Variants in PRKG1 observed in about 807,000 individuals in gnomAD.
PRKG1 encodes protein kinase cGMP-dependent 1, also known as cGMP-dependent protein kinase 1.
In PRKG1, 35 loss-of-function variants were observed where a neutral mutation model predicts 88.1. The observed-to-expected ratio is 0.40, with a 90% CI of 0.30 to 0.53. The LOEUF (loss-of-function observed/expected upper bound fraction) is 0.53, where lower values mean the gene tolerates loss of function less well. Ranked by LOEUF, PRKG1 falls within the 20% of genes least tolerant of loss-of-function variation. PRKG1 has a pLI of 0.59. For synonymous variants in PRKG1, 303 were observed against 292.5 expected (o/e 1.04, Z -0.37); for missense variants, 540 against 839.8 (o/e 0.64, Z 4.41).
At chr10:51,372,093 A>G (rs777620664) in intron 2 of PRKG1, among the ~76,000 whole-genome samples, 5 of 152,184 alleles carry the variant, frequency 3.3e-5, no homozygotes, top group Non-Finnish European at 4.4e-5. Context: ...TGGATAACTC[A>G]GCATGTGTTT....
At chr10:51,240,560 CTCTT>C (rs1474246087) in intron 2 of PRKG1, among the ~76,000 whole-genome samples, 1 of 152,200 alleles carries the variant, frequency 6.6e-6, no homozygotes, top group Non-Finnish European at 1.5e-5. Flanking sequence ...CAGGAACTCT[CTCTT>C]TCAAATTATG....
Position 52,290,256 on chromosome 10 carries a change from G to A in PRKG1, c.1928G>A (p.Arg643Lys), listed in dbSNP as rs770812712. Residue 643 changes from arginine (R) to lysine (K), a missense_variant, in exon 17 of 18, where the codon AGA becomes AAA. Coordinates refer to ENST00000373980, the MANE Select transcript of PRKG1 (RefSeq NM_006258.4). ...GAGGGCTTTAACTGGGAAGGCTTAAGAAAAGGTACCTTGACACCTCCTATA... is the reference window on the plus strand; with the variant it reads ...GAGGGCTTTAACTGGGAAGGCTTAAAAAAAGGTACCTTGACACCTCCTATA... The part of the protein sequence containing the change: ...WFEGFNWEGL[R>K]KGTLTPPIIP... 1.6e-4 allele frequency: 255 copies of A among 1,612,910 alleles called. No homozygotes were observed. Among genetic ancestry groups the A allele is most frequent in the Non-Finnish European group, 2.1e-4 (247 of 1,179,404 alleles).
chr10:51,067,670 A>G (rs935425464), intron 1 of PRKG1, among the ~76,000 whole-genome samples: 19 of 152,188 alleles, frequency 1.2e-4, no homozygotes, highest in Admixed American at 1.2e-3. Context: ...GACTCTCTAC[A>G]TTAACTCTTT....
chr10:51,069,387 T>A (rs182195091), intron 1 of PRKG1, among the ~76,000 whole-genome samples: 7 of 152,156 alleles, frequency 4.6e-5, no homozygotes, highest in African/African-American at 1.7e-4. Flanking sequence ...ATTATAAAAC[T>A]AGTTCTATAG....
At chr10:51,705,706 T>G (rs2132422960) in intron 3 of PRKG1, among the ~76,000 whole-genome samples, 1 of 152,340 alleles carries the variant, frequency 6.6e-6, no homozygotes, top group Non-Finnish European at 1.5e-5. Context: ...AGATAGGCAG[T>G]CATAGTTCCT....
chr10:51,514,864 T>A (rs1465438392), intron 3 of PRKG1, among the ~76,000 whole-genome samples: 1 of 152,150 alleles, frequency 6.6e-6, no homozygotes, highest in Admixed American at 6.6e-5. Context: ...CACTGCAGAC[T>A]TTTACATAAA....
chr10:51,410,549 C>A (rs984511434), intron 2 of PRKG1, among the ~76,000 whole-genome samples: 1 of 152,106 alleles, frequency 6.6e-6, no homozygotes, highest in East Asian at 1.9e-4. Flanking sequence ...AAGGGTGGAT[C>A]TGCCTTCCCA....
intron 5 of PRKG1, among the ~76,000 whole-genome samples, chr10:52,044,194 G>A (rs1188253336): frequency 6.6e-6 from 1 of 152,154 alleles, no homozygotes. Flanking sequence ...TGCACTGTGA[G>A]AAGTGCTAAA....
intron 2 of PRKG1, among the ~76,000 whole-genome samples, chr10:51,374,093 A>ATATATATATATATATATATATATAT (rs1554801054): frequency 7.7e-4 from 77 of 100,080 alleles, no homozygotes; most frequent in South Asian, 1.7e-3. Context: ...AAAAAAAAAA[A>ATATATATATATATATATATATATAT]ATATATATAT....
intron 3 of PRKG1, among the ~76,000 whole-genome samples, chr10:51,769,037 A>G (rs1214715154): frequency 6.6e-6 from 1 of 152,194 alleles, no homozygotes; most frequent in African/African-American, 2.4e-5. Context: ...CCTGTCCTTG[A>G]AGAGCTTTCA....
At chr10:52,064,075 G>A (rs1224230304) in intron 7 of PRKG1, among the ~76,000 whole-genome samples, 1 of 152,182 alleles carries the variant, frequency 6.6e-6, no homozygotes, top group Admixed American at 6.5e-5. Context: ...TGGTCTGAAG[G>A]TGGGGCCTTA....
chr10:51,278,211 T>A (rs1840183964), intron 2 of PRKG1, among the ~76,000 whole-genome samples: 2 of 152,224 alleles, frequency 1.3e-5, no homozygotes, highest in African/African-American at 4.8e-5. Context: ...ATTGAGATAA[T>A]CATGTGGTTT....
chr10:51,277,619 G>A (rs1330251633), intron 2 of PRKG1, among the ~76,000 whole-genome samples: 2 of 152,128 alleles, frequency 1.3e-5, no homozygotes, highest in Admixed American at 6.5e-5. Flanking sequence ...CCATTTGTTT[G>A]TGTCCTCTTT....
chr10:52,131,187 T>C (rs1030425958), intron 7 of PRKG1, among the ~76,000 whole-genome samples: 2 of 152,288 alleles, frequency 1.3e-5, no homozygotes, highest in African/African-American at 4.8e-5. Context: ...CTTTAAACAC[T>C]AAGCATGTTG....
At chr10:52,003,921 T>G (rs1186254527) in intron 5 of PRKG1, among the ~76,000 whole-genome samples, 1 of 152,214 alleles carries the variant, frequency 6.6e-6, no homozygotes, top group East Asian at 1.9e-4. Flanking sequence ...CTAGTTACTT[T>G]GTGGCCCTAG....
At chr10:51,115,706 G>A (rs979935538) in intron 1 of PRKG1, among the ~76,000 whole-genome samples, 31 of 151,582 alleles carry the variant, frequency 2.0e-4, no homozygotes, top group East Asian at 7.9e-4. Context: ...GCGTGGTGAC[G>A]CGCACCTGTA....
chr10:51,010,876 CTT>C (rs546132745), intron 1 of PRKG1, among the ~76,000 whole-genome samples: 60 of 152,308 alleles, frequency 3.9e-4, no homozygotes, highest in African/African-American at 1.2e-3. Context: ...TTACAGCAAA[CTT>C]AATTTATAGC....
intron 7 of PRKG1, among the ~76,000 whole-genome samples, chr10:52,096,996 G>C (rs1404998012): frequency 6.6e-6 from 1 of 152,062 alleles, no homozygotes; most frequent in African/African-American, 2.4e-5. Flanking sequence ...GGACTCTGGG[G>C]TAGATCTTAG....
At chr10:51,446,557 T>G (rs535800972) in intron 2 of PRKG1, among the ~76,000 whole-genome samples, 2 of 152,168 alleles carry the variant, frequency 1.3e-5, no homozygotes, top group Non-Finnish European at 2.9e-5. Flanking sequence ...TTCTGAAAAT[T>G]GTTTTACAAT....
Sources: gnomAD v4.1 joint callset for allele counts (sites outside exome capture counted in the v4.1 genomes callset) on GRCh38, gnomAD v4.1.1 for gene constraint, MANE v1.5 for transcripts, NCBI Gene and HGNC (gene_info 2026-07-23, HGNC 2026-07-21) for gene names.